The following FBH1 variants were observed in gnomAD, a reference collection of about 807,000 sequenced individuals.
FBH1 encodes the protein F-box DNA helicase 1, also known as DNA 3'-5' helicase 1.
Under a neutral mutation model 115.5 loss-of-function variants are expected in FBH1, and 43 were observed. The observed-to-expected ratio is 0.37, with a 90% confidence interval of 0.29 to 0.48. FBH1 has a LOEUF of 0.48. Ranked by LOEUF, FBH1 falls within the 20% of genes least tolerant of loss-of-function variation. The probability of loss-of-function intolerance (pLI) is 0.99; values close to 1 mark genes in which losing one functional copy is unlikely to be tolerated. For synonymous variants in FBH1, 524 were observed against 507.8 expected, an observed-to-expected ratio of 1.03 and a Z score of -0.43; for missense variants, 1,001 against 1,337.3, an observed-to-expected ratio of 0.75 and a Z score of 3.92.
chr10:5,905,515 C>T (rs892167273), intron 2 of FBH1, among the ~76,000 whole-genome samples: 1 of 152,014 alleles, frequency 6.6e-6, no homozygotes, highest in African/African-American at 2.4e-5. Context: ...GGGATTCCAT[C>T]TAAAAAATAA....
rs370493910 is a variant in FBH1 at position 5,917,382 on chromosome 10, G to A, written c.1789-38G>A. 68 of 1,574,714 alleles carry A rather than the reference G, an allele frequency of 4.3e-5. No homozygotes were observed. Among genetic ancestry groups the A allele is most frequent in the Non-Finnish European group, 5.4e-5 (62 of 1,146,102 alleles). On this transcript the variant is annotated intron_variant, in intron 10 of 20. Transcript: ENST00000362091. The surrounding 1 kb of genome is among the most constrained non-coding windows in gnomAD (Gnocchi z 5.6). The stretch of plus-strand genomic sequence containing the variant: ...ACCGCAGGGTGCTGCCTTTGCCAGG[G>A]TCTCAAACTCTGGGTTACCATATGC...
rs1833353132 is a variant in FBH1, at chr10:5,936,368, G to T, written c.2830-88G>T. On this transcript the variant is annotated intron_variant, in intron 19 of 20. Transcript: ENST00000362091. The surrounding 1 kb of genome is among the most constrained non-coding windows in gnomAD (Gnocchi z 5.6). ...CTGGGACTTACAGTGCATCTAAAGG[G>T]TTCTCACAGAGCCGCCGCTATCAGT... 39 of 1,492,052 alleles carry T rather than the reference G, an allele frequency of 2.6e-5. No individual in the cohort carries two copies. The highest frequency in any genetic ancestry group is 3.5e-5 in the Non-Finnish European group (38 of 1,091,744). 92.4% of individuals were successfully genotyped at this position (1,492,052 alleles called of 1,614,324 possible).
chr10:5,901,312 A>C (rs759626528), intron 1 of FBH1, among the ~76,000 whole-genome samples: 37 of 152,054 alleles, frequency 2.4e-4, no homozygotes, highest in Admixed American at 2.1e-3. Flanking sequence ...ATATGCCACC[A>C]TGCCCAGCTA....
intron 19 of FBH1, among the ~76,000 whole-genome samples, chr10:5,927,761 A>T (rs541216421): frequency 6.6e-6 from 1 of 152,160 alleles, no homozygotes; most frequent in African/African-American, 2.4e-5. Context: ...AATTCAGTTT[A>T]AAAAGCTCTG....
intron 1 of FBH1, among the ~76,000 whole-genome samples, chr10:5,891,475 A>T (rs974662427): frequency 6.6e-6 from 1 of 152,246 alleles, no homozygotes; most frequent in African/African-American, 2.4e-5. Context: ...AAGTTGAGGC[A>T]TCTGGTAGCT....
In FBH1 at chr10:5,921,569, G is replaced by A. The variant is rs551866202; in HGVS notation, c.2322G>A (p.Gly774=). ...GEFPSRIHLI[G]GIKSFGLDRI... ...TCCCTTCAAGGATACATTTGATTGG[G>A]GTAAGAGTACATTTCTGTTGACCAC... is the stretch of plus-strand genomic sequence containing the variant. The change falls in exon 15 of 21, where the codon GGG becomes GGA. Residue 774 remains glycine (G), a splice_region_variant and synonymous_variant. Coordinates refer to ENST00000362091, the MANE Select transcript of FBH1 (RefSeq NM_178150.3). The surrounding 1 kb of genome is among the most constrained non-coding windows in gnomAD (Gnocchi z 6.4). 1.1e-5 allele frequency: 17 copies of A among 1,592,826 alleles called. No individual in the cohort carries two copies. The Admixed American group carries it at 2.1e-4, about 20-fold the overall frequency.
At chr10:5,890,789 A>G (rs563362188) in intron 1 of FBH1, among the ~76,000 whole-genome samples, 7 of 151,764 alleles carry the variant, frequency 4.6e-5, no homozygotes, top group Admixed American at 1.3e-4. Flanking sequence ...TCCTCTGAGC[A>G]TGGGAAGCCT....
At position 5,913,887 on chromosome 10, in the gene FBH1, TC is replaced by T. The variant is rs771536006; in HGVS notation, c.1304+50del. Reference sequence around the variant, plus strand: ...GTGTGTTTTGTCTTCTGTCGACTCTTCCTCATACTTAAGGAGGGAGATGTTT... The same window carrying T: ...GTGTGTTTTGTCTTCTGTCGACTCTTCTCATACTTAAGGAGGGAGATGTTT... On this transcript the variant is annotated intron_variant, in intron 7 of 20. Coordinates refer to ENST00000362091, the MANE Select transcript of FBH1 (RefSeq NM_178150.3). This position sits in a 1 kb window ranked among gnomAD's most constrained non-coding sequence, Gnocchi z 4.4. 7.3e-7 allele frequency: 1 copy of T among 1,366,538 alleles called. No individual in the cohort carries two copies. The highest frequency in any genetic ancestry group is 1.0e-6 in the Non-Finnish European group (1 of 973,796). 84.7% of individuals were successfully genotyped at this position (1,366,538 alleles called of 1,614,324 possible).
chr10:5,906,072 C>T lies in FBH1; in HGVS notation c.193C>T (p.Leu65=), dbSNP rs1843671328. ...TCAAAGATGCATCCCTGAGTTCTTCCTAGCAGGCAAGCAGCCGTGCACCAA... is the reference window on the plus strand; with the variant it reads ...TCAAAGATGCATCCCTGAGTTCTTCTTAGCAGGCAAGCAGCCGTGCACCAA... ...GSQRCIPEFF[L]AGKQPCTNDM... Residue 65 remains leucine (L), a synonymous_variant, in exon 3 of 21, where the codon CTA becomes TTA. Coordinates refer to ENST00000362091, the MANE Select transcript of FBH1 (RefSeq NM_178150.3). The surrounding 1 kb of genome is among the most constrained non-coding windows in gnomAD (Gnocchi z 7.3). 1 of 1,611,834 alleles carries T rather than the reference C, an allele frequency of 6.2e-7. No homozygotes were observed. Among genetic ancestry groups the T allele is most frequent in the African/African-American group, 1.3e-5 (1 of 74,888 alleles).
At chr10:5,892,477 G>T (rs564998035) in intron 1 of FBH1, among the ~76,000 whole-genome samples, 1 of 152,126 alleles carries the variant, frequency 6.6e-6, no homozygotes, top group Non-Finnish European at 1.5e-5. Flanking sequence ...ACTGAATTTG[G>T]ATTCCATCTT....
rs1833015525 is a variant in FBH1, at chr10:5,932,354, TA to T, written c.2830-4101del. The stretch of plus-strand genomic sequence containing the variant: ...GTAGCATTTCAGATACACTGTTGTG[TA>T]CTTTGCTTTGTCACTTAGAAGCCAT... On this transcript the variant is annotated intron_variant, in intron 19 of 20. Coordinates refer to ENST00000362091, the MANE Select transcript of FBH1 (RefSeq NM_178150.3). The surrounding 1 kb of genome is among the most constrained non-coding windows in gnomAD (Gnocchi z 5.9). Among the ~76,000 whole-genome samples the T allele has an allele frequency of 6.6e-6, 1 of 152,254 alleles. No individual in the cohort carries two copies. The highest frequency in any genetic ancestry group is 2.1e-4 in the South Asian group (1 of 4,838).
In FBH1 at chr10:5,918,432, A is replaced by G; in HGVS notation, c.2054A>G (p.Asn685Ser). 2 of 1,611,890 alleles carry G rather than the reference A, an allele frequency of 1.2e-6. No homozygotes were observed. Among genetic ancestry groups the G allele is most frequent in the Non-Finnish European group, 1.7e-6 (2 of 1,179,442 alleles). The change falls in exon 13 of 21, where the codon AAC becomes AGC. Residue 685 changes from asparagine to serine, a missense_variant. By Grantham distance (46) the Asn-to-Ser change is conservative. Transcript: ENST00000362091. This position sits in a 1 kb window ranked among gnomAD's most constrained non-coding sequence, Gnocchi z 4.0. ...QQIYTFRGAV[N>S]ALFTVPHTHV... ...ATCTATACCTTCCGGGGTGCGGTCA[A>G]CGCCCTGTTCACAGTGCCCCACACC... is the stretch of plus-strand genomic sequence containing the variant.
In FBH1 at chr10:5,913,414, T is replaced by C. The variant is rs1401586312; in HGVS notation, c.1212-333T>C. Among the ~76,000 whole-genome samples, 2 of 152,210 alleles carry C rather than the reference T, an allele frequency of 1.3e-5. No individual in the cohort carries two copies. The highest frequency in any genetic ancestry group is 4.8e-5 in the African/African-American group (2 of 41,454). On this transcript the variant is annotated intron_variant, in intron 6 of 20. Transcript: ENST00000362091. This position sits in a 1 kb window ranked among gnomAD's most constrained non-coding sequence, Gnocchi z 4.4. ...AGAGTCTCAGTGCTAGGAGCAGTGTTTCCCTTTGCCTTCCACTGGTCCTTA... is the reference window on the plus strand; with the variant it reads ...AGAGTCTCAGTGCTAGGAGCAGTGTCTCCCTTTGCCTTCCACTGGTCCTTA...
chr10:5,911,239 A>G lies in FBH1; in HGVS notation c.1211+111A>G, dbSNP rs950842304. 1.4e-5 allele frequency: 15 copies of G among 1,040,870 alleles called. No homozygotes were observed. The Admixed American group carries it at 2.7e-4, about 18-fold the overall frequency. 64.5% of individuals were successfully genotyped at this position (1,040,870 alleles called of 1,614,324 possible). ...GTGTTAGCACCTGGCAGGCTGTGGG[A>G]CCCACCTGCTCCACCTCAGTGTCAT... is the stretch of plus-strand genomic sequence containing the variant. On this transcript the variant is annotated intron_variant, in intron 6 of 20. Coordinates refer to ENST00000362091, the MANE Select transcript of FBH1 (RefSeq NM_178150.3). The surrounding 1 kb of genome is among the most constrained non-coding windows in gnomAD (Gnocchi z 5.4).
Position 5,918,388 on chromosome 10 carries a change from A to G in FBH1, c.2010A>G (p.Val670=). 1 of 1,613,576 alleles carries G rather than the reference A, an allele frequency of 6.2e-7. No homozygotes were observed. Among genetic ancestry groups the G allele is most frequent in the Non-Finnish European group, 8.5e-7 (1 of 1,179,848 alleles). Residue 670 remains valine, a synonymous_variant, in exon 13 of 21, where the codon GTA becomes GTG. Transcript: ENST00000362091. The surrounding 1 kb of genome is among the most constrained non-coding windows in gnomAD (Gnocchi z 4.0). ...CTCAGCCATGTGGGAAAATCTTTGT[A>G]GGGGACCCGCACCAGCAGATCTATA... ...VLSQPCGKIF[V]GDPHQQIYTF...
At position 5,918,654 on chromosome 10, in the gene FBH1, G is replaced by T. The variant is rs1019266618; in HGVS notation, c.2100+176G>T. Reference sequence around the variant, plus strand: ...CCAAGTCACACTGTTTTCATAAGAGGTGTGTGCACAGCGGTCGTCTGAGGA... The same window carrying T: ...CCAAGTCACACTGTTTTCATAAGAGTTGTGTGCACAGCGGTCGTCTGAGGA... On this transcript the variant is annotated intron_variant, in intron 13 of 20. Transcript: ENST00000362091. The surrounding 1 kb of genome is among the most constrained non-coding windows in gnomAD (Gnocchi z 4.0). Among the ~76,000 whole-genome samples, 4 of 152,198 alleles carry T rather than the reference G, an allele frequency of 2.6e-5. No individual in the cohort carries two copies. The highest frequency in any genetic ancestry group is 5.9e-5 in the Non-Finnish European group (4 of 68,040).
chr10:5,894,886 A>G lies in FBH1; in HGVS notation c.1+4540A>G, dbSNP rs181457469. 6.0e-3 allele frequency among the ~76,000 whole-genome samples: 919 copies of G among 152,372 alleles called. 9 individuals are homozygous for G. The highest frequency in any genetic ancestry group is 0.02 in the African/African-American group (851 of 41,580). ...GCAATTAAAAACAATAATTCATATA[A>G]GACACATGTTAAATGCACACTTACA... On this transcript the variant is annotated intron_variant, in intron 1 of 20. Coordinates refer to ENST00000362091, the MANE Select transcript of FBH1 (RefSeq NM_178150.3).
At chr10:5,893,792 C>T (rs1682619264) in intron 1 of FBH1, among the ~76,000 whole-genome samples, 1 of 152,160 alleles carries the variant, frequency 6.6e-6, no homozygotes, top group Admixed American at 6.5e-5. Context: ...TAGCATTTAA[C>T]ACCAAGGATA....
At chr10:5,927,577 C>A (rs1832727616) in intron 19 of FBH1, 36 bp downstream of exon 19, 2 of 1,536,728 alleles carry the variant, frequency 1.3e-6, no homozygotes, top group Admixed American at 1.7e-5. Context: ...AACTTGATGC[C>A]ATTGAATGTT....
Sources: gnomAD v4.1 joint callset for allele counts (sites outside exome capture counted in the v4.1 genomes callset) on GRCh38, gnomAD v4.1.1 for gene constraint, Gnocchi (gnomAD v3.1) non-coding constraint, MANE v1.5 for transcripts, NCBI Gene and HGNC (gene_info 2026-07-23, HGNC 2026-07-21) for gene names.